Variants in CFAP299 observed in about 807,000 individuals in gnomAD.
CFAP299 encodes cilia- and flagella-associated protein 299.
In CFAP299, 21 loss-of-function variants were observed where a neutral mutation model predicts 27.0. The ratio of observed to expected loss-of-function variants is 0.78; its 90% confidence interval spans 0.55 to 1.12. The LOEUF is 1.12. Ranked by LOEUF, CFAP299 falls within the 50% of genes most tolerant of loss-of-function variation. The pLI is 0.00. For synonymous variants in CFAP299, 104 were observed against 98.1 expected, an observed-to-expected ratio of 1.06 and a Z score of -0.36; for missense variants, 310 against 276.6, an observed-to-expected ratio of 1.12 and a Z score of -0.86.
At chr4:80,884,010 C>A (rs1209076815) in intron 4 of CFAP299, among the ~76,000 whole-genome samples, 1 of 152,168 alleles carries the variant, frequency 6.6e-6, no homozygotes, top group Admixed American at 6.6e-5. Flanking sequence ...GATCCTCTCC[C>A]TTTTCCCACC....
intron 4 of CFAP299, among the ~76,000 whole-genome samples, chr4:80,941,585 C>T (rs1737197058): frequency 6.6e-6 from 1 of 152,196 alleles, no homozygotes; most frequent in Admixed American, 6.6e-5. Context: ...AAATATCTTT[C>T]ACATACAGCT....
chr4:80,346,706 T>G lies in CFAP299; in HGVS notation c.111+10827T>G, dbSNP rs565785310. Among the ~76,000 whole-genome samples the G allele has an allele frequency of 7.9e-5, 12 of 152,352 alleles. No individual in the cohort carries two copies. In the South Asian group the frequency reaches 2.5e-3, roughly 32 times the overall value. On this transcript the variant is annotated intron_variant, in intron 1 of 5. Coordinates refer to ENST00000358105, the MANE Select transcript of CFAP299 (RefSeq NM_152770.3). The stretch of plus-strand genomic sequence containing the variant: ...TGTAGTAGTTTGAAGTCAGGTAGCA[T>G]GATGCCTCCAGCTTTGTTCTTTTGG...
intron 4 of CFAP299, among the ~76,000 whole-genome samples, chr4:80,876,983 C>G (rs540516481): frequency 6.6e-6 from 1 of 152,140 alleles, no homozygotes; most frequent in Admixed American, 6.5e-5. Flanking sequence ...CCCCTTTGTA[C>G]TTAACCAGGC....
chr4:80,696,293 CAAAA>C (rs10602062), intron 3 of CFAP299, among the ~76,000 whole-genome samples: 4 of 128,608 alleles, frequency 3.1e-5, no homozygotes, highest in East Asian at 2.4e-4. Context: ...AGCTCCGTCT[CAAAA>C]AAAAAAAAAA....
chr4:80,362,936 G>T lies in CFAP299; in HGVS notation c.242+52G>T, dbSNP rs967805797. ...TTTTATGTTATATTCTAGACCTCTG[G>T]AGTAATTCAATTTCGTTTGCATTGT... is the stretch of plus-strand genomic sequence containing the variant. On this transcript the variant is annotated intron_variant, in intron 2 of 5. Coordinates refer to ENST00000358105, the MANE Select transcript of CFAP299 (RefSeq NM_152770.3). The T allele has an allele frequency of 4.6e-6, 7 of 1,534,186 alleles. No homozygotes were observed. In the Admixed American group the frequency reaches 1.3e-4, roughly 29 times the overall value.
intron 3 of CFAP299, among the ~76,000 whole-genome samples, chr4:80,848,375 TAG>T (rs1397189449): frequency 2.0e-5 from 3 of 152,170 alleles, no homozygotes; most frequent in Non-Finnish European, 2.9e-5. Flanking sequence ...TTTGTAAACA[TAG>T]AGTTTACTCG....
chr4:80,565,134 G>C (rs886775650), intron 2 of CFAP299, among the ~76,000 whole-genome samples: 2 of 151,882 alleles, frequency 1.3e-5, no homozygotes, highest in Non-Finnish European at 2.9e-5. Context: ...CTTCCTTCTA[G>C]AATTTATTCC....
chr4:80,431,005 G>A (rs559992536), intron 2 of CFAP299, among the ~76,000 whole-genome samples: 6 of 152,102 alleles, frequency 3.9e-5, no homozygotes, highest in African/African-American at 9.6e-5. Context: ...ATTCACCTTC[G>A]TGAGACCTCC....
intron 1 of CFAP299, among the ~76,000 whole-genome samples, chr4:80,362,235 G>T (rs1282321417): frequency 6.6e-6 from 1 of 151,062 alleles, no homozygotes; most frequent in Non-Finnish European, 1.5e-5. Context: ...AAATTCATCT[G>T]CTCCTCTTTA....
At chr4:80,645,767 C>T (rs1194178471) in intron 3 of CFAP299, among the ~76,000 whole-genome samples, 1 of 152,074 alleles carries the variant, frequency 6.6e-6, no homozygotes, top group Non-Finnish European at 1.5e-5. Context: ...AGATGTTTGG[C>T]CCCTATCATG....
chr4:80,899,299 T>C (rs995363185), intron 4 of CFAP299, among the ~76,000 whole-genome samples: 4 of 152,234 alleles, frequency 2.6e-5, no homozygotes, highest in African/African-American at 9.6e-5. Flanking sequence ...ATGAGAGGTC[T>C]GTAGATACAA....
intron 3 of CFAP299, among the ~76,000 whole-genome samples, chr4:80,710,476 T>C (rs1050367769): frequency 1.5e-5 from 2 of 133,340 alleles, no homozygotes; most frequent in African/African-American, 5.3e-5. Flanking sequence ...GCTTTCTTTT[T>C]CTTTTTCTTT....
chr4:80,857,959 T>C (rs1283313715), intron 3 of CFAP299, among the ~76,000 whole-genome samples: 1 of 152,132 alleles, frequency 6.6e-6, no homozygotes. Flanking sequence ...TTTCTATTGA[T>C]TGGAATAGTT....
intron 3 of CFAP299, among the ~76,000 whole-genome samples, chr4:80,790,125 T>G (rs1416587827): frequency 6.6e-6 from 1 of 152,050 alleles, no homozygotes; most frequent in Non-Finnish European, 1.5e-5. Context: ...TTTAGCACTA[T>G]TATCATTATT....
At chr4:80,333,969 C>A (rs1248024004), upstream of CFAP299, among the ~76,000 whole-genome samples, 1 of 152,136 alleles carries the variant, frequency 6.6e-6, no homozygotes, top group Non-Finnish European at 1.5e-5. Context: ...TAGAAAAGGA[C>A]AATTGAGTTA....
intron 2 of CFAP299, among the ~76,000 whole-genome samples, chr4:80,458,471 T>A (rs981169740): frequency 6.6e-5 from 10 of 152,220 alleles, no homozygotes; most frequent in African/African-American, 2.2e-4. Flanking sequence ...AAAAATCTTT[T>A]TTCTGCCTTT....
At chr4:80,368,205 G>T (rs1175089063) in intron 2 of CFAP299, among the ~76,000 whole-genome samples, 1 of 152,178 alleles carries the variant, frequency 6.6e-6, no homozygotes, top group Non-Finnish European at 1.5e-5. Context: ...AAGACTATTA[G>T]ATAAGTCTTT....
chr4:80,880,748 A>AAAATT (rs542033712), intron 4 of CFAP299, among the ~76,000 whole-genome samples: 1 of 138,890 alleles, frequency 7.2e-6, no homozygotes, highest in Non-Finnish European at 1.6e-5. Flanking sequence ...AAAATAAAAT[A>AAAATT]AAATAAAATT....
Position 80,650,915 on chromosome 4 carries a change from C to A in CFAP299, c.333+67732C>A, listed in dbSNP as rs540413447. 2.6e-5 allele frequency among the ~76,000 whole-genome samples: 4 copies of A among 151,904 alleles called. No homozygotes were observed. The East Asian group carries it at 5.8e-4, about 22-fold the overall frequency. ...AGACTACAAACTGGGTGCAGTGTAT[C>A]CTGCTCGGGTGATGAGTGCACCAAA... On this transcript the variant is annotated intron_variant, in intron 3 of 5. Transcript: ENST00000358105.
Sources: gnomAD v4.1 joint callset for allele counts (sites outside exome capture counted in the v4.1 genomes callset) on GRCh38, gnomAD v4.1.1 for gene constraint, MANE v1.5 for transcripts, NCBI Gene and HGNC (gene_info 2026-07-23, HGNC 2026-07-21) for gene names.